Variants in HS6ST3 observed in about 807,000 individuals in gnomAD.
HS6ST3 encodes the protein heparan-sulfate 6-O-sulfotransferase 3.
In HS6ST3, 12 loss-of-function variants were observed where a neutral mutation model predicts 36.7. The ratio of observed to expected loss-of-function variants is 0.33; its 90% CI spans 0.21 to 0.53. The LOEUF (loss-of-function observed/expected upper bound fraction) is 0.53, where lower values mean the gene tolerates loss of function less well. Among genes scored for constraint, HS6ST3 ranks in the 20% least tolerant of loss-of-function variants. The pLI is 0.95. For missense variants in HS6ST3, 584 were observed against 640.9 expected (o/e 0.91, Z 0.96); for synonymous variants, 240 against 257.5 (o/e 0.93, Z 0.65).
At chr13:96,796,601 TTTATAA>T (rs1877918506) in intron 1 of HS6ST3, among the ~76,000 whole-genome samples, 1 of 152,124 alleles carries the variant, frequency 6.6e-6, no homozygotes, top group African/African-American at 2.4e-5. Context: ...TTTTAGATGC[TTTATAA>T]TTATGAGACC....
At chr13:96,810,063 C>T (rs551320284) in intron 1 of HS6ST3, among the ~76,000 whole-genome samples, 4 of 152,288 alleles carry the variant, frequency 2.6e-5, no homozygotes, top group Admixed American at 2.0e-4. Flanking sequence ...AGGGCTGAAA[C>T]AGCATCCAGT....
intron 1 of HS6ST3, among the ~76,000 whole-genome samples, chr13:96,788,350 A>C (rs1028810336): frequency 6.6e-6 from 1 of 151,814 alleles, no homozygotes; most frequent in Admixed American, 6.6e-5. Flanking sequence ...CACTATATTG[A>C]ATTGGTATCT....
chr13:96,749,002 C>T (rs1435428864), intron 1 of HS6ST3, among the ~76,000 whole-genome samples: 7 of 152,072 alleles, frequency 4.6e-5, no homozygotes, highest in Admixed American at 2.6e-4. Context: ...ACTTTTAGCT[C>T]GTCAGATTTA....
intron 1 of HS6ST3, among the ~76,000 whole-genome samples, chr13:96,697,286 A>T (rs150968201): frequency 1.0e-3 from 154 of 152,132 alleles, no homozygotes; most frequent in African/African-American, 3.4e-3. Context: ...GTGGACAAAG[A>T]GGAAAATATA....
At chr13:96,130,645 G>A (rs781355698) in intron 1 of HS6ST3, among the ~76,000 whole-genome samples, 3 of 152,128 alleles carry the variant, frequency 2.0e-5, no homozygotes, top group African/African-American at 2.4e-5. Flanking sequence ...TTTTCTTGAG[G>A]TAATGCCAGG....
At chr13:96,654,874 C>T (rs539748295) in intron 1 of HS6ST3, among the ~76,000 whole-genome samples, 2 of 152,210 alleles carry the variant, frequency 1.3e-5, no homozygotes, top group South Asian at 4.1e-4. Context: ...TACTTTTACA[C>T]ATTCTAGATG....
chr13:96,679,397 C>T (rs974894392), intron 1 of HS6ST3, among the ~76,000 whole-genome samples: 1 of 151,950 alleles, frequency 6.6e-6, no homozygotes, highest in Non-Finnish European at 1.5e-5. Flanking sequence ...TGCCTCACCC[C>T]AAGAGACTGA....
At chr13:96,265,907 T>G (rs1032174805) in intron 1 of HS6ST3, among the ~76,000 whole-genome samples, 1 of 152,198 alleles carries the variant, frequency 6.6e-6, no homozygotes, top group Non-Finnish European at 1.5e-5. Flanking sequence ...TGAGGAATAT[T>G]GGGTAGTTTG....
chr13:96,294,568 C>T (rs2054845455), intron 1 of HS6ST3, among the ~76,000 whole-genome samples: 1 of 152,026 alleles, frequency 6.6e-6, no homozygotes, highest in African/African-American at 2.4e-5. Flanking sequence ...TTCCACTGGA[C>T]AGCACTCATT....
At chr13:96,355,897 T>TC (rs34056662) in intron 1 of HS6ST3, among the ~76,000 whole-genome samples, 137,116 of 152,234 alleles carry the variant, frequency 0.9, 62,077 homozygotes, top group African/African-American at 0.97. Context: ...TGCTACTTCA[T>TC]AACTAAGTTT....
intron 1 of HS6ST3, among the ~76,000 whole-genome samples, chr13:96,369,177 A>C (rs1403408765): frequency 1.3e-5 from 2 of 152,116 alleles, no homozygotes; most frequent in Non-Finnish European, 2.9e-5. Context: ...CCCTTCCTCT[A>C]GAACAAGAAC....
At chr13:96,780,894 C>G (rs1214356329) in intron 1 of HS6ST3, among the ~76,000 whole-genome samples, 2 of 151,890 alleles carry the variant, frequency 1.3e-5, no homozygotes, top group African/African-American at 2.4e-5. Context: ...GCAGCCCAAT[C>G]AAACAGCAGC....
chr13:96,578,016 G>T (rs1157734463), intron 1 of HS6ST3, among the ~76,000 whole-genome samples: 1 of 152,176 alleles, frequency 6.6e-6, no homozygotes, highest in Non-Finnish European at 1.5e-5. Flanking sequence ...ATGCCAAGTG[G>T]TGGTGAAAGA....
intron 1 of HS6ST3, among the ~76,000 whole-genome samples, chr13:96,800,987 A>G (rs1315253753): frequency 6.6e-6 from 1 of 152,090 alleles, no homozygotes; most frequent in African/African-American, 2.4e-5. Context: ...CCATCCTTTA[A>G]TTCTCAACCC....
chr13:96,121,908 G>A (rs1412184322), intron 1 of HS6ST3, among the ~76,000 whole-genome samples: 1 of 152,054 alleles, frequency 6.6e-6, no homozygotes, highest in Non-Finnish European at 1.5e-5. Flanking sequence ...GCATTAACAT[G>A]AGAAAAGGGT....
intron 1 of HS6ST3, among the ~76,000 whole-genome samples, chr13:96,120,733 C>T (rs148217553): frequency 0.017 from 2,572 of 152,192 alleles, 59 homozygotes; most frequent in African/African-American, 0.059. Context: ...CAATTATAAA[C>T]TTTTGTTTTT....
intron 1 of HS6ST3, chr13:96,574,626 G>T (rs2056314133): frequency 4.9e-6 from 1 of 203,682 alleles, no homozygotes; most frequent in Non-Finnish European, 1.0e-5. Flanking sequence ...TTCAGCTTCT[G>T]TTGCCAAGTC....
chr13:96,119,760 C>G (rs1346982142), intron 1 of HS6ST3, among the ~76,000 whole-genome samples: 7 of 152,060 alleles, frequency 4.6e-5, no homozygotes, highest in East Asian at 3.9e-4. Flanking sequence ...TCTGCTCCCC[C>G]AGTTTTCACT....
At chr13:96,757,422 T>C (rs992808274) in intron 1 of HS6ST3, among the ~76,000 whole-genome samples, 1 of 152,246 alleles carries the variant, frequency 6.6e-6, no homozygotes, top group African/African-American at 2.4e-5. Flanking sequence ...GCAGGTTGTC[T>C]GAAAATACAG....
Sources: allele counts gnomAD v4.1 joint callset (sites outside exome capture counted in the v4.1 genomes callset), GRCh38; gene constraint gnomAD v4.1.1; transcripts MANE v1.5; gene names NCBI Gene and HGNC (gene_info 2026-07-23, HGNC 2026-07-21).